The following STARD10 variants were observed in gnomAD, a reference collection of about 807,000 sequenced individuals.
The protein encoded by STARD10 is START domain-containing protein 10.
A neutral mutation model predicts 36.0 loss-of-function variants in STARD10; 24 were observed. That is an observed-to-expected ratio of 0.67 (90% CI 0.48 to 0.94). The LOEUF is 0.94. STARD10 is among the 40% of genes least tolerant of loss of function. STARD10 has a pLI of 0.00. For synonymous variants in STARD10, 156 were observed against 161.9 expected, an observed-to-expected ratio of 0.96 and a Z score of 0.28; for missense variants, 335 against 396.6, an observed-to-expected ratio of 0.84 and a Z score of 1.32.
intron 2 of STARD10, chr11:72,766,194 G>A (rs1282050113): frequency 6.6e-6 from 1 of 152,096 alleles, no homozygotes; most frequent in Non-Finnish European, 1.5e-5. Flanking sequence ...GCCAGGACTA[G>A]GCTGCATTTG....
chr11:72,792,227 T>G (rs1591275487), intron 1 of STARD10, among the ~76,000 whole-genome samples: 1 of 151,744 alleles, frequency 6.6e-6, no homozygotes, highest in African/African-American at 2.4e-5. Flanking sequence ...TTTTTTTTTT[T>G]GTATTTTTAG....
At chr11:72,784,449 A>T (rs1034229709) in intron 1 of STARD10, among the ~76,000 whole-genome samples, 5 of 152,208 alleles carry the variant, frequency 3.3e-5, no homozygotes, top group African/African-American at 1.2e-4. Flanking sequence ...AAAGAGTTGT[A>T]TATGTGCCAG....
chr11:72,770,621 A>G (rs1858843408), intron 2 of STARD10, among the ~76,000 whole-genome samples: 1 of 152,106 alleles, frequency 6.6e-6, no homozygotes, highest in African/African-American at 2.4e-5. Flanking sequence ...GAGACTACCC[A>G]TCTGATGCTG....
At chr11:72,783,937 C>G (rs1012625220) in intron 1 of STARD10, among the ~76,000 whole-genome samples, 1 of 152,132 alleles carries the variant, frequency 6.6e-6, no homozygotes, top group Non-Finnish European at 1.5e-5. Context: ...AACCAAGAAT[C>G]TTTTGGATCT....
intron 2 of STARD10, among the ~76,000 whole-genome samples, chr11:72,778,083 C>T (rs1858948966): frequency 1.3e-5 from 2 of 152,200 alleles, no homozygotes; most frequent in African/African-American, 2.4e-5. Context: ...TTGTGGGCCT[C>T]GGCTTTCTCA....
intron 2 of STARD10, among the ~76,000 whole-genome samples, chr11:72,777,542 GC>G (rs1256242323): frequency 6.6e-6 from 1 of 152,222 alleles, no homozygotes. Flanking sequence ...GCTCCAAGCT[GC>G]CCCCTGCCTT....
intron 1 of STARD10, among the ~76,000 whole-genome samples, chr11:72,792,673 TC>T (rs1394491950): frequency 6.6e-6 from 1 of 151,936 alleles, no homozygotes; most frequent in Non-Finnish European, 1.5e-5. Flanking sequence ...GCGCATCACT[TC>T]CCCTTCTCAT....
intron 2 of STARD10, among the ~76,000 whole-genome samples, chr11:72,768,748 C>T (rs1858823250): frequency 6.6e-6 from 1 of 152,358 alleles, no homozygotes; most frequent in East Asian, 1.9e-4. Context: ...CCCAGCAGCT[C>T]CCCCCTCAGC....
chr11:72,755,772 G>C lies in STARD10; in HGVS notation c.578-19C>G. On this transcript the variant is annotated intron_variant, in intron 5 of 6. Coordinates refer to ENST00000334805, the MANE Select transcript of STARD10 (RefSeq NM_006645.3). ...AAGGAGCCTGTGAGGGCAGGGAAGG[G>C]AGGAAGCAGCCTCAGGGACCCAGCC... 1 of 1,605,792 alleles carries C rather than the reference G, an allele frequency of 6.2e-7. No homozygotes were observed. Among genetic ancestry groups the C allele is most frequent in the Non-Finnish European group, 8.5e-7 (1 of 1,175,464 alleles).
chr11:72,758,407 G>T, intron 4 of STARD10, 123 bp downstream of exon 4: 1 of 748,828 alleles, frequency 1.3e-6, no homozygotes. Context: ...TGTACAGGAA[G>T]GAAACTGAGG....
At chr11:72,766,342 C>G (rs756447113) in intron 2 of STARD10, among the ~76,000 whole-genome samples, 10 of 152,150 alleles carry the variant, frequency 6.6e-5, no homozygotes, top group Admixed American at 2.0e-4. Context: ...GTGAACCAGA[C>G]CTGAGCCCTG....
chr11:72,777,466 C>G (rs575023756), intron 2 of STARD10, among the ~76,000 whole-genome samples: 1 of 152,362 alleles, frequency 6.6e-6, no homozygotes, highest in Non-Finnish European at 1.5e-5. Flanking sequence ...TCTTGGTCTC[C>G]CGTTTCTCAC....
chr11:72,765,570 A>C (rs1453352948), intron 2 of STARD10, among the ~76,000 whole-genome samples: 1 of 152,202 alleles, frequency 6.6e-6, no homozygotes, highest in African/African-American at 2.4e-5. Context: ...AATGCTTAGG[A>C]GTCTTCATTT....
At chr11:72,760,249 G>C (rs182416781) in intron 2 of STARD10, among the ~76,000 whole-genome samples, 1 of 151,460 alleles carries the variant, frequency 6.6e-6, no homozygotes, top group African/African-American at 2.4e-5. Flanking sequence ...TTATTGAGAC[G>C]GAGTTTTGCT....
intron 2 of STARD10, among the ~76,000 whole-genome samples, chr11:72,767,746 G>A (rs1399714826): frequency 6.6e-6 from 1 of 152,212 alleles, no homozygotes; most frequent in Admixed American, 6.5e-5. Context: ...CAGCAGTGCT[G>A]GTCCATCTGT....
chr11:72,764,530 G>T (rs1858761348), intron 2 of STARD10, among the ~76,000 whole-genome samples: 1 of 152,234 alleles, frequency 6.6e-6, no homozygotes, highest in African/African-American at 2.4e-5. Flanking sequence ...CGGGTCGTGG[G>T]GGTCAGGTAA....
intron 2 of STARD10, among the ~76,000 whole-genome samples, chr11:72,770,749 ATC>A (rs1858844446): frequency 6.6e-6 from 1 of 152,148 alleles, no homozygotes; most frequent in Admixed American, 6.5e-5. Flanking sequence ...AGGGAGGGAC[ATC>A]TAAGCTGGAT....
chr11:72,780,366 C>T (rs1382778396), intron 2 of STARD10: 2 of 429,406 alleles, frequency 4.7e-6, no homozygotes, highest in Admixed American at 2.5e-5. Context: ...CCCAGCCCAC[C>T]TGTAGCCTGG....
intron 2 of STARD10, among the ~76,000 whole-genome samples, chr11:72,771,556 T>C (rs190751481): frequency 4.0e-4 from 61 of 152,260 alleles, no homozygotes; most frequent in African/African-American, 1.3e-3. Flanking sequence ...GATGTTACCA[T>C]GTCTCACCCA....
Sources: allele counts gnomAD v4.1 joint callset (sites outside exome capture counted in the v4.1 genomes callset), GRCh38; gene constraint gnomAD v4.1.1; transcripts MANE v1.5; gene names NCBI Gene and HGNC (gene_info 2026-07-23, HGNC 2026-07-21).